The following CCDC167 variants were observed in gnomAD, a reference collection of about 807,000 sequenced individuals.
CCDC167 encodes coiled-coil domain containing 167.
A neutral mutation model predicts 12.7 loss-of-function variants in CCDC167; 15 were observed. The ratio of observed to expected loss-of-function variants is 1.18; its 90% CI spans 0.79 to 1.81. CCDC167 has a LOEUF of 1.81. Among genes scored for constraint, CCDC167 ranks in the 40% most tolerant of loss-of-function variants. The pLI is 0.00. For missense variants in CCDC167, 121 were observed against 120.1 expected (o/e 1.01, Z -0.03); for synonymous variants, 52 against 49.0 (o/e 1.06, Z -0.26).
intron 1 of CCDC167, among the ~76,000 whole-genome samples, chr6:37,489,174 T>C (rs1474734517): frequency 6.6e-6 from 1 of 151,934 alleles, no homozygotes; most frequent in East Asian, 1.9e-4. Flanking sequence ...GGGTGGAGGC[T>C]GCAGTGAGCC....
In CCDC167 at chr6:37,485,153, G is replaced by A; in HGVS notation, c.84C>T (p.Asp28=). 1.2e-6 allele frequency: 2 copies of A among 1,613,606 alleles called. No individual in the cohort carries two copies. The highest frequency in any genetic ancestry group is 2.2e-5 in the East Asian group (1 of 44,884). The part of the protein sequence containing the change: ...LEEKLSQCRR[D]LEAVNSRLHS... ...GGAGTCTGGAGTTCACGGCCTCCAG[G>A]TCTCTCCGACACTGGGACAGCTTCT... Residue 28 remains aspartate (D), a synonymous_variant, in exon 2 of 4, where the codon GAC becomes GAT. Coordinates refer to ENST00000373408, the MANE Select transcript of CCDC167 (RefSeq NM_138493.3).
chr6:37,498,958 C>T (rs879246224), intron 1 of CCDC167, among the ~76,000 whole-genome samples: 2 of 152,184 alleles, frequency 1.3e-5, no homozygotes, highest in Admixed American at 1.3e-4. Context: ...TTGAGAATCA[C>T]TGAACTCACT....
chr6:37,490,208 G>A (rs1389704552), intron 1 of CCDC167, among the ~76,000 whole-genome samples: 1 of 152,204 alleles, frequency 6.6e-6, no homozygotes, highest in Admixed American at 6.5e-5. Flanking sequence ...GCTGTGTGAA[G>A]CCCTGTGTGA....
chr6:37,489,581 A>C (rs942077684), intron 1 of CCDC167, among the ~76,000 whole-genome samples: 3 of 152,240 alleles, frequency 2.0e-5, no homozygotes, highest in African/African-American at 7.2e-5. Context: ...AAGGTGGAAC[A>C]GCCTGGGGGC....
In CCDC167 at chr6:37,486,821, G is replaced by A. The variant is rs538817782; in HGVS notation, c.43-1627C>T. Reference sequence around the variant, plus strand: ...TGGGAAGCCAGATTCAGGGAAGAGCGGCAGCCCCATGCCCAGTGCCTCAGG... The same window carrying A: ...TGGGAAGCCAGATTCAGGGAAGAGCAGCAGCCCCATGCCCAGTGCCTCAGG... On this transcript the variant is annotated intron_variant, in intron 1 of 3. Coordinates refer to ENST00000373408, the MANE Select transcript of CCDC167 (RefSeq NM_138493.3). Among the ~76,000 whole-genome samples the A allele has an allele frequency of 1.6e-4, 24 of 152,296 alleles. 1 individual carries two copies. In the South Asian group the frequency reaches 5.0e-3, roughly 32 times the overall value.
At chr6:37,493,680 T>A (rs1206988687) in intron 1 of CCDC167, among the ~76,000 whole-genome samples, 2 of 151,796 alleles carry the variant, frequency 1.3e-5, no homozygotes, top group Non-Finnish European at 2.9e-5. Flanking sequence ...GGGTTCAGGG[T>A]CCCAGCAAGG....
rs146381766 is a variant in CCDC167, at chr6:37,483,108, T to C, written c.*78A>G. Reference sequence around the variant, plus strand: ...GGAACACCCCAGCACCTTGGTCCTATTGAGGCTTGAAGTGCCTGCTTGATC... The same window carrying C: ...GGAACACCCCAGCACCTTGGTCCTACTGAGGCTTGAAGTGCCTGCTTGATC... On this transcript the variant is annotated 3_prime_UTR_variant, in exon 4 of 4. Transcript: ENST00000373408. The C allele has an allele frequency of 4.5e-4, 502 of 1,115,916 alleles. 2 individuals carry two copies. In the African/African-American group the frequency reaches 6.9e-3, roughly 15 times the overall value. 69.1% of individuals were successfully genotyped at this position (1,115,916 alleles called of 1,614,324 possible).
intron 3 of CCDC167, among the ~76,000 whole-genome samples, chr6:37,483,677 G>A (rs1761899962): frequency 2.6e-5 from 4 of 152,190 alleles, no homozygotes; most frequent in Admixed American, 2.0e-4. Context: ...CATCTCATCC[G>A]CCAACCAGAA....
intron 1 of CCDC167, among the ~76,000 whole-genome samples, chr6:37,493,598 G>A (rs1242970987): frequency 1.3e-5 from 2 of 152,246 alleles, no homozygotes; most frequent in Non-Finnish European, 2.9e-5. Context: ...AGCAGGTGAG[G>A]CTCATTTAAT....
chr6:37,494,686 T>C (rs1762074269), intron 1 of CCDC167, among the ~76,000 whole-genome samples: 1 of 152,162 alleles, frequency 6.6e-6, no homozygotes, highest in African/African-American at 2.4e-5. Flanking sequence ...AAGTTGAATA[T>C]TAGACTGGAG....
At chr6:37,489,855 CAG>C (rs762032092) in intron 1 of CCDC167, among the ~76,000 whole-genome samples, 2 of 152,188 alleles carry the variant, frequency 1.3e-5, no homozygotes, top group African/African-American at 2.4e-5. Context: ...CTGGAGCTAT[CAG>C]GGGGCAGCAC....
At chr6:37,496,543 C>A (rs1283204211) in intron 1 of CCDC167, among the ~76,000 whole-genome samples, 1 of 152,182 alleles carries the variant, frequency 6.6e-6, no homozygotes, top group African/African-American at 2.4e-5. Flanking sequence ...TGGTGAAATT[C>A]AAGTCCTTCA....
intron 1 of CCDC167, among the ~76,000 whole-genome samples, chr6:37,495,743 A>C (rs761041213): frequency 1.3e-5 from 2 of 152,194 alleles, no homozygotes; most frequent in African/African-American, 2.4e-5. Context: ...TTACAAGTGG[A>C]GACTGTTTGC....
Position 37,482,983 on chromosome 6 carries a change from A to C in CCDC167, c.*203T>G. 1 of 652,154 alleles carries C rather than the reference A, an allele frequency of 1.5e-6. No individual in the cohort carries two copies. The highest frequency in any genetic ancestry group is 1.6e-5 in the South Asian group (1 of 62,568). 40.4% of individuals were successfully genotyped at this position (652,154 alleles called of 1,614,324 possible). A position where few individuals can be genotyped will look rare whatever the true frequency, so the allele number is the denominator to read the frequency against. ...GCCTCTCCCTTGGGCTAAGGGAGGG[A>C]CCAGCACCATGTCCTTCTGGAGACC... On this transcript the variant is annotated 3_prime_UTR_variant, in exon 4 of 4. Transcript: ENST00000373408.
intron 1 of CCDC167, among the ~76,000 whole-genome samples, chr6:37,489,938 C>T (rs1306754275): frequency 6.6e-6 from 1 of 152,164 alleles, no homozygotes; most frequent in East Asian, 1.9e-4. Flanking sequence ...AGTGTGGGGG[C>T]AGAGAGCAGG....
chr6:37,484,833 A>T lies in CCDC167; in HGVS notation c.167T>A (p.Leu56Gln), dbSNP rs202026231. The change falls in exon 3 of 4, where the codon CTA becomes CAA. Residue 56 changes from leucine (L) to glutamine (Q), a missense_variant. Physicochemically the swap from Leu to Gln is moderately radical, Grantham distance 113 (BLOSUM62 -2). Transcript: ENST00000373408. ...ACCGTAGTTGGAGGCTTTGTTCATT[A>T]GGCTGTTTTTCTCCTTCTCCAGGGA... Reference protein sequence around the residue: ...RRSLEKEKNSLMNKASNYEKE... With the variant: ...RRSLEKEKNSQMNKASNYEKE... 3.7e-6 allele frequency: 6 copies of T among 1,614,120 alleles called. No homozygotes were observed. The highest frequency in any genetic ancestry group is 5.1e-6 in the Non-Finnish European group (6 of 1,180,054).
intron 1 of CCDC167, among the ~76,000 whole-genome samples, chr6:37,498,597 G>A (rs756010904): frequency 2.6e-5 from 4 of 151,984 alleles, no homozygotes; most frequent in Middle Eastern, 3.2e-3. Context: ...TAAGGCGGGC[G>A]GGCAGATCAC....
At chr6:37,498,369 C>A (rs1010472386) in intron 1 of CCDC167, among the ~76,000 whole-genome samples, 3 of 152,142 alleles carry the variant, frequency 2.0e-5, no homozygotes, top group Non-Finnish European at 4.4e-5. Context: ...AGTCTATGTT[C>A]TTCCCGCCAC....
rs1157214099 is a variant in CCDC167 at position 37,483,245 on chromosome 6, G to GC, written c.234dup (p.Leu79AlafsTer59). On this transcript the variant is annotated frameshift_variant, in exon 4 of 4. Transcript: ENST00000373408. LOFTEE classifies it high-confidence loss of function. ...AGGATAAAGATGGCCACAGAGAGCA[G>GC]CATGTTCTTCCGGTTCTCTTGCCGA... 2 of 1,614,040 alleles carry GC rather than the reference G, an allele frequency of 1.2e-6. No individual in the cohort carries two copies. The highest frequency in any genetic ancestry group is 1.7e-6 in the Non-Finnish European group (2 of 1,179,992).
Sources: gnomAD v4.1 joint callset for allele counts (sites outside exome capture counted in the v4.1 genomes callset) on GRCh38, gnomAD v4.1.1 for gene constraint, MANE v1.5 for transcripts, NCBI Gene and HGNC (gene_info 2026-07-23, HGNC 2026-07-21) for gene names.